The following CLEC2A variants were observed in gnomAD, a reference collection of about 807,000 sequenced individuals.
CLEC2A encodes the protein C-type lectin domain family 2 member A, also known as keratinocyte-associated C-type lectin.
In CLEC2A, 19 loss-of-function variants were observed where a neutral mutation model predicts 18.6. That is an observed-to-expected ratio of 1.02 (90% CI 0.71 to 1.50). The LOEUF (loss-of-function observed/expected upper bound fraction) is 1.50. Ranked by LOEUF, CLEC2A falls within the 40% of genes most tolerant of loss-of-function variation. The probability of loss-of-function intolerance (pLI) is 0.00; values close to 1 mark genes in which losing one functional copy is unlikely to be tolerated. For missense variants in CLEC2A, 190 were observed against 207.9 expected, an observed-to-expected ratio of 0.91 and a Z score of 0.53; for synonymous variants, 74 against 64.0, an observed-to-expected ratio of 1.16 and a Z score of -0.75.
At chr12:9,916,959 T>C (rs1229946559) in intron 3 of CLEC2A, among the ~76,000 whole-genome samples, 156 bp from the exon 4 acceptor site, 2 of 152,212 alleles carry the variant, frequency 1.3e-5, no homozygotes, top group Non-Finnish European at 2.9e-5. Context: ...TGTTGATGTT[T>C]GGGTTAGTTT....
the CLEC2A span, chr12:9,893,404 A>G: frequency 9.1e-7 from 1 of 1,101,820 alleles, no homozygotes; most frequent in Non-Finnish European, 1.3e-6. Context: ...CAAATGAATG[A>G]ATAAATGCAC....
chr12:9,893,556 G>A, the CLEC2A span: 12 of 1,016,512 alleles, frequency 1.2e-5, no homozygotes, highest in Admixed American at 2.3e-4. Context: ...GTAGTTATTT[G>A]TAAGGGAGGG....
At chr12:9,885,182 C>T in the CLEC2A span, 142 of 326,216 alleles carry the variant, frequency 4.4e-4, 1 homozygote, top group East Asian at 6.6e-3. Context: ...AAATTAAATG[C>T]TCAAATGCAA....
At chr12:9,881,691 C>T in the CLEC2A span, 1 of 1,478,384 alleles carries the variant, frequency 6.8e-7, no homozygotes, top group South Asian at 1.2e-5. Flanking sequence ...CCCATCACCG[C>T]ATTTAAAATT....
chr12:9,922,812 G>A (rs1368942157), intron 2 of CLEC2A, among the ~76,000 whole-genome samples: 2 of 152,134 alleles, frequency 1.3e-5, no homozygotes, highest in African/African-American at 2.4e-5. Flanking sequence ...AATAAGACAA[G>A]TCCATGCATT....
At chr12:9,882,009 C>T in the CLEC2A span, among the ~76,000 whole-genome samples, 4 of 151,514 alleles carry the variant, frequency 2.6e-5, no homozygotes, top group African/African-American at 9.7e-5. Context: ...TATATATATG[C>T]TTATATATAT....
rs572378504 is a variant in CLEC2A, at chr12:9,900,584, C to A, written c.411-1608G>T. Among the ~76,000 whole-genome samples the A allele has an allele frequency of 1.2e-4, 18 of 152,246 alleles. No homozygotes were observed. The East Asian group carries it at 3.5e-3, about 29-fold the overall frequency. On this transcript the variant is annotated intron_variant, in intron 4 of 4. Transcript: ENST00000339766. The stretch of plus-strand genomic sequence containing the variant: ...TTCCACAAGGACTCTCAGATAAGAC[C>A]TTTTAAAGCCCAGCCCAGTCATGGG...
At chr12:9,915,440 A>G (rs1863055714) in intron 4 of CLEC2A, among the ~76,000 whole-genome samples, 1 of 152,200 alleles carries the variant, frequency 6.6e-6, no homozygotes, top group South Asian at 2.1e-4. Flanking sequence ...TAGCAAAAAC[A>G]TGGAATCAAC....
At chr12:9,914,600 A>C (rs1023415127) in intron 4 of CLEC2A, among the ~76,000 whole-genome samples, 1 of 152,212 alleles carries the variant, frequency 6.6e-6, no homozygotes, top group Admixed American at 6.5e-5. Flanking sequence ...CCTGACAAAA[A>C]CAAGCAATGG....
chr12:9,908,395 G>A (rs1472108405), downstream of CLEC2A, among the ~76,000 whole-genome samples: 1 of 152,098 alleles, frequency 6.6e-6, no homozygotes, highest in Non-Finnish European at 1.5e-5. Flanking sequence ...TGAGTTGATC[G>A]GTTTTTATAC....
intron 3 of CLEC2A, 60 bp from the exon 4 acceptor site, chr12:9,916,863 T>C (rs1863080888): frequency 9.4e-6 from 9 of 956,912 alleles, no homozygotes; most frequent in Admixed American, 2.1e-5. Flanking sequence ...TTGCTGAACA[T>C]GCTTCCCACC....
the CLEC2A span, chr12:9,888,637 T>C: frequency 4.6e-6 from 3 of 657,928 alleles, no homozygotes; most frequent in Non-Finnish European, 7.9e-6. Context: ...TTTTTATTAG[T>C]ATGCCTTCAT....
At chr12:9,882,369 T>C in the CLEC2A span, among the ~76,000 whole-genome samples, 26 of 152,188 alleles carry the variant, frequency 1.7e-4, no homozygotes, top group African/African-American at 6.3e-4. Context: ...ATGACACTTT[T>C]GTTATTATCT....
intron 2 of CLEC2A, among the ~76,000 whole-genome samples, chr12:9,924,251 A>G (rs1164489226): frequency 6.6e-6 from 1 of 151,700 alleles, no homozygotes; most frequent in Non-Finnish European, 1.5e-5. Flanking sequence ...TACTGGCCAC[A>G]TAAATGTCTT....
At chr12:9,894,157 TC>T (rs1862726322), downstream of CLEC2A, among the ~76,000 whole-genome samples, 1 of 148,440 alleles carries the variant, frequency 6.7e-6, no homozygotes, top group African/African-American at 2.5e-5. Context: ...TCTCTCTCCC[TC>T]CCTTCCTTCT....
At chr12:9,895,693 T>G (rs769462281), downstream of CLEC2A, 218 of 1,527,232 alleles carry the variant, frequency 1.4e-4, no homozygotes, top group Non-Finnish European at 1.8e-4. Context: ...TCTTAGGTTT[T>G]CAGTGATTGG....
chr12:9,881,226 GTTTTA>G, the CLEC2A span, among the ~76,000 whole-genome samples: 2 of 151,898 alleles, frequency 1.3e-5, no homozygotes, highest in Non-Finnish European at 2.9e-5. Context: ...GAGATTATTT[GTTTTA>G]TTTTATTTTT....
At chr12:9,893,454 C>T in the CLEC2A span, 1 of 1,497,684 alleles carries the variant, frequency 6.7e-7, no homozygotes, top group Middle Eastern at 1.7e-4. Flanking sequence ...AGTTTAAAAC[C>T]TGGACATTTT....
chr12:9,922,664 A>G (rs1262741270), intron 2 of CLEC2A, among the ~76,000 whole-genome samples: 2 of 152,232 alleles, frequency 1.3e-5, no homozygotes, highest in Non-Finnish European at 2.9e-5. Flanking sequence ...AGGACAACAC[A>G]TAAGTGAAAC....
Sources: gnomAD v4.1 joint callset for allele counts (sites outside exome capture counted in the v4.1 genomes callset) on GRCh38, gnomAD v4.1.1 for gene constraint, MANE v1.5 for transcripts, NCBI Gene and HGNC (gene_info 2026-07-23, HGNC 2026-07-21) for gene names.